The following FAH variants were observed in gnomAD, a reference collection of about 807,000 sequenced individuals.
FAH encodes the protein fumarylacetoacetate hydrolase.
FAH carries 47 observed loss-of-function variants against 55.8 expected under a neutral mutation model. The ratio of observed to expected loss-of-function variants is 0.84; its 90% CI spans 0.67 to 1.07. The LOEUF is 1.07. FAH is among the 50% of genes least tolerant of loss of function. FAH has a pLI of 0.00. For missense variants in FAH, 495 were observed against 545.9 expected, an observed-to-expected ratio of 0.91 and a Z score of 0.93; for synonymous variants, 199 against 207.7, an observed-to-expected ratio of 0.96 and a Z score of 0.36.
chr15:80,161,899 C>T (rs549949198), intron 4 of FAH, among the ~76,000 whole-genome samples: 12 of 152,108 alleles, frequency 7.9e-5, no homozygotes, highest in Admixed American at 5.9e-4. Context: ...TCAGTATAGG[C>T]GTGGTGAGGG....
chr15:80,165,040 G>A (rs1178213600), intron 5 of FAH, among the ~76,000 whole-genome samples: 3 of 152,164 alleles, frequency 2.0e-5, no homozygotes, highest in African/African-American at 4.8e-5. Flanking sequence ...GTTTTTTGGG[G>A]TAGGTAATAC....
At chr15:80,176,251 G>T (rs2041283165) in intron 10 of FAH, among the ~76,000 whole-genome samples, 1 of 152,090 alleles carries the variant, frequency 6.6e-6, no homozygotes, top group Non-Finnish European at 1.5e-5. Flanking sequence ...CCTAACCTTA[G>T]GTGGTCTACC....
intron 5 of FAH, among the ~76,000 whole-genome samples, chr15:80,165,006 C>A (rs1341897275): frequency 1.3e-5 from 2 of 152,202 alleles, no homozygotes; most frequent in Non-Finnish European, 2.9e-5. Flanking sequence ...AAGTTTAAAT[C>A]TATCTCAGTC....
At chr15:80,182,720 A>G (rs1157245703) in intron 13 of FAH, among the ~76,000 whole-genome samples, 1 of 152,212 alleles carries the variant, frequency 6.6e-6, no homozygotes, top group Non-Finnish European at 1.5e-5. Flanking sequence ...TTACTTGACA[A>G]AAGTCCCACA....
chr15:80,184,329 G>A (rs554206397), intron 13 of FAH, among the ~76,000 whole-genome samples: 1 of 152,052 alleles, frequency 6.6e-6, no homozygotes, highest in Non-Finnish European at 1.5e-5. Context: ...CAGTGGTGGC[G>A]TCTTTCACCT....
chr15:80,186,024 T>G (rs1453199423), intron 13 of FAH, 106 bp from the exon 14 acceptor site: 6 of 859,238 alleles, frequency 7.0e-6, no homozygotes, highest in Non-Finnish European at 1.2e-5. Context: ...GATGGCACCT[T>G]CCTGCCTCGG....
Position 80,172,137 on chromosome 15 carries a change from C to T in FAH, c.607-12C>T. The T allele has an allele frequency of 1.2e-6, 2 of 1,600,330 alleles. No individual in the cohort carries two copies. Among genetic ancestry groups the T allele is most frequent in the Non-Finnish European group, 1.7e-6 (2 of 1,167,498 alleles). On this transcript the variant is annotated splice_polypyrimidine_tract_variant and intron_variant, in intron 7 of 13. Transcript: ENST00000561421. ...TCAGCTCCAGATTCTAATGAACTCT[C>T]CCCCATGTAAGGCTTTTTTTGTAGG...
At chr15:80,183,639 G>A (rs537789006) in intron 13 of FAH, among the ~76,000 whole-genome samples, 35 of 152,238 alleles carry the variant, frequency 2.3e-4, no homozygotes, top group African/African-American at 5.1e-4. Context: ...TGCTCTTCAC[G>A]GATGCTCCTT....
In FAH at chr15:80,162,354, T is replaced by C. The variant is rs1366934523; in HGVS notation, c.455+18T>C. 1.2e-5 allele frequency: 19 copies of C among 1,591,122 alleles called. No individual in the cohort carries two copies. Among genetic ancestry groups the C allele is most frequent in the Non-Finnish European group, 1.6e-5 (19 of 1,159,092 alleles). On this transcript the variant is annotated intron_variant, in intron 5 of 13. Transcript: ENST00000561421. Reference sequence around the variant, plus strand: ...CCAAATTGGTATGAACTGGGCCAAATGTCTGCATAAGTTCAAAGTCTTTCT... The same window carrying C: ...CCAAATTGGTATGAACTGGGCCAAACGTCTGCATAAGTTCAAAGTCTTTCT...
chr15:80,177,681 T>C, intron 11 of FAH, 98 bp downstream of exon 11: 3 of 1,157,466 alleles, frequency 2.6e-6, no homozygotes, highest in Non-Finnish European at 3.9e-6. Flanking sequence ...TTTTGGGATA[T>C]GATGATGGGT....
At chr15:80,181,273 C>G in intron 13 of FAH, 114 bp downstream of exon 13, 1 of 734,788 alleles carries the variant, frequency 1.4e-6, no homozygotes, top group Admixed American at 1.9e-5. Context: ...CATCCTGACT[C>G]TGCCTCCCAG....
At chr15:80,155,001 G>A (rs1259138952) in intron 1 of FAH, among the ~76,000 whole-genome samples, 1 of 152,182 alleles carries the variant, frequency 6.6e-6, no homozygotes, top group Admixed American at 6.5e-5. Flanking sequence ...CTGCCTTTGA[G>A]TCTCTGAGAT....
Position 80,172,205 on chromosome 15 carries a change from C to A in FAH, c.663C>A (p.Ala221=), listed in dbSNP as rs370892975. Residue 221 remains alanine (A), a synonymous_variant, in exon 8 of 14, where the codon GCC becomes GCA. Transcript: ENST00000561421. ...GAGAGCCGATCCCCATTTCCAAGGC[C>A]CATGAGCACATTTTTGGAATGGTCC... ...RLGEPIPISK[A]HEHIFGMVLM... The A allele has an allele frequency of 3.1e-6, 5 of 1,614,102 alleles. No homozygotes were observed. The highest frequency in any genetic ancestry group is 4.2e-6 in the Non-Finnish European group (5 of 1,179,992).
chr15:80,176,671 C>G (rs1463753489), intron 10 of FAH, among the ~76,000 whole-genome samples: 1 of 152,228 alleles, frequency 6.6e-6, no homozygotes, highest in Non-Finnish European at 1.5e-5. Context: ...TGGCCTCCTG[C>G]CACCCACAAT....
intron 7 of FAH, among the ~76,000 whole-genome samples, chr15:80,171,530 G>A (rs796788196): frequency 7.2e-5 from 11 of 152,184 alleles, no homozygotes; most frequent in African/African-American, 2.7e-4. Context: ...GCGTGATCTC[G>A]GCCTGCTGCA....
At chr15:80,180,947 C>G in intron 12 of FAH, 95 bp from the exon 13 acceptor site, 1 of 1,003,446 alleles carries the variant, frequency 1.0e-6, no homozygotes, top group Non-Finnish European at 1.6e-6. Flanking sequence ...GGCCCCCTGC[C>G]ACTTCTCGGG....
At chr15:80,160,133 G>C (rs890632131) in intron 3 of FAH, 4 of 631,010 alleles carry the variant, frequency 6.3e-6, no homozygotes, top group African/African-American at 5.5e-5. Flanking sequence ...TACTCAGGCT[G>C]TCCTCATTAG....
chr15:80,160,466 G>A lies in FAH; in HGVS notation c.364+7G>A. The stretch of plus-strand genomic sequence containing the variant: ...CACCTTCCAGCCACCATAGGTGAGT[G>A]CAGTCTCTTCACCAAGATAAGAACG... On this transcript the variant is annotated splice_region_variant and intron_variant, in intron 4 of 13. Coordinates refer to ENST00000561421, the MANE Select transcript of FAH (RefSeq NM_000137.4). 8 of 1,613,948 alleles carry A rather than the reference G, an allele frequency of 5.0e-6. No individual in the cohort carries two copies. The highest frequency in any genetic ancestry group is 6.8e-6 in the Non-Finnish European group (8 of 1,179,786).
chr15:80,182,247 C>T (rs1008780891), intron 13 of FAH, among the ~76,000 whole-genome samples: 2 of 152,156 alleles, frequency 1.3e-5, no homozygotes, highest in African/African-American at 4.8e-5. Flanking sequence ...CCCACCTAGA[C>T]AATCTCCTCA....
Sources: allele counts gnomAD v4.1 joint callset (sites outside exome capture counted in the v4.1 genomes callset), GRCh38; gene constraint gnomAD v4.1.1; transcripts MANE v1.5; gene names NCBI Gene and HGNC (gene_info 2026-07-23, HGNC 2026-07-21).